Variants in CPNE8 observed in about 807,000 individuals in gnomAD.
The protein encoded by CPNE8 is copine-8.
Under a neutral mutation model 81.5 loss-of-function variants are expected in CPNE8, and 45 were observed. The observed-to-expected ratio is 0.55, with a 90% confidence interval of 0.44 to 0.71. The LOEUF (loss-of-function observed/expected upper bound fraction) is 0.71, where lower values mean the gene tolerates loss of function less well. Among genes scored for constraint, CPNE8 ranks in the 30% least tolerant of loss-of-function variants. The probability of loss-of-function intolerance (pLI) is 0.00; values close to 1 mark genes in which losing one functional copy is unlikely to be tolerated. For synonymous variants in CPNE8, 252 were observed against 226.3 expected (o/e 1.11, Z -1.02); for missense variants, 594 against 672.1 (o/e 0.88, Z 1.28).
intron 6 of CPNE8, among the ~76,000 whole-genome samples, chr12:38,808,555 A>T (rs1015008876): frequency 7.2e-6 from 1 of 138,220 alleles, no homozygotes; most frequent in African/African-American, 2.7e-5. Context: ...TTGAACAATG[A>T]GAACACATGG....
chr12:38,663,869 G>A lies in CPNE8; in HGVS notation c.1506+6860C>T, dbSNP rs143422853. The stretch of plus-strand genomic sequence containing the variant: ...CACTATGTTAACTGAAATAAGCCAG[G>A]CACAGAAAAATAAATACCACATGTT... On this transcript the variant is annotated intron_variant, in intron 19 of 19. Coordinates refer to ENST00000331366, the MANE Select transcript of CPNE8 (RefSeq NM_153634.3). Among the ~76,000 whole-genome samples the A allele has an allele frequency of 4.7e-3, 716 of 152,140 alleles. 5 individuals are homozygous for A. Among genetic ancestry groups the A allele is most frequent in the African/African-American group, 0.016 (665 of 41,534 alleles).
chr12:38,764,347 G>A (rs1449600336), intron 8 of CPNE8, among the ~76,000 whole-genome samples: 1 of 152,180 alleles, frequency 6.6e-6, no homozygotes, highest in African/African-American at 2.4e-5. Context: ...GCCGGGCGCA[G>A]TAGCTCACGC....
At chr12:38,818,274 C>T (rs1943059933) in intron 6 of CPNE8, among the ~76,000 whole-genome samples, 1 of 152,050 alleles carries the variant, frequency 6.6e-6, no homozygotes, top group African/African-American at 2.4e-5. Context: ...TCCTAATGCT[C>T]TCCCTCCCCT....
intron 1 of CPNE8, among the ~76,000 whole-genome samples, chr12:38,884,965 AAC>A (rs1944217891): frequency 6.6e-6 from 1 of 152,202 alleles, no homozygotes; most frequent in South Asian, 2.1e-4. Context: ...TCTACAGTCT[AAC>A]ACACACATCT....
intron 5 of CPNE8, among the ~76,000 whole-genome samples, chr12:38,833,608 A>G (rs571504830): frequency 6.6e-6 from 1 of 150,834 alleles, no homozygotes; most frequent in South Asian, 2.1e-4. Flanking sequence ...CCTCCCGAGT[A>G]GCTGGGACTA....
At chr12:38,821,351 T>C (rs1278847120) in intron 6 of CPNE8, among the ~76,000 whole-genome samples, 2 of 152,230 alleles carry the variant, frequency 1.3e-5, no homozygotes, top group Non-Finnish European at 2.9e-5. Context: ...TTGTTGAATA[T>C]ATTATTTTTA....
At chr12:38,783,032 C>CA (rs1435554423) in intron 6 of CPNE8, among the ~76,000 whole-genome samples, 1 of 151,902 alleles carries the variant, frequency 6.6e-6, no homozygotes, top group Non-Finnish European at 1.5e-5. Flanking sequence ...AGAAAGTTAC[C>CA]AAAAAAGATC....
chr12:38,859,924 A>C (rs1943804291), intron 3 of CPNE8, among the ~76,000 whole-genome samples: 1 of 152,192 alleles, frequency 6.6e-6, no homozygotes, highest in South Asian at 2.1e-4. Context: ...AATGAAGTAA[A>C]GACATACATG....
At chr12:38,715,922 T>A (rs1037134160) in intron 13 of CPNE8, among the ~76,000 whole-genome samples, 3 of 151,972 alleles carry the variant, frequency 2.0e-5, no homozygotes, top group African/African-American at 7.2e-5. Context: ...AGCTCCTAGA[T>A]CTGATAAACG....
intron 16 of CPNE8, among the ~76,000 whole-genome samples, chr12:38,682,265 A>C (rs980436460): frequency 1.3e-5 from 2 of 152,128 alleles, no homozygotes; most frequent in Non-Finnish European, 2.9e-5. Flanking sequence ...TTTGTTAATT[A>C]AAATGAACTC....
chr12:38,898,581 A>G (rs559385912), intron 1 of CPNE8, among the ~76,000 whole-genome samples: 11 of 152,120 alleles, frequency 7.2e-5, no homozygotes, highest in Non-Finnish European at 1.3e-4. Flanking sequence ...TCCCTAGCTT[A>G]TATAACTTAA....
At chr12:38,841,597 G>A (rs1943468636) in intron 4 of CPNE8, among the ~76,000 whole-genome samples, 1 of 152,142 alleles carries the variant, frequency 6.6e-6, no homozygotes, top group African/African-American at 2.4e-5. Context: ...AAACAAACAG[G>A]AGGTTCATAA....
intron 1 of CPNE8, among the ~76,000 whole-genome samples, chr12:38,896,885 C>T (rs1160798674): frequency 6.6e-6 from 1 of 152,124 alleles, no homozygotes; most frequent in Non-Finnish European, 1.5e-5. Flanking sequence ...TTCTATGTTG[C>T]TGTGTGCCAC....
chr12:38,694,748 T>A (rs1326486999), intron 14 of CPNE8, among the ~76,000 whole-genome samples: 2 of 152,192 alleles, frequency 1.3e-5, no homozygotes, highest in African/African-American at 2.4e-5. Flanking sequence ...TCCATTTGGT[T>A]CCTTAAATAA....
intron 10 of CPNE8, among the ~76,000 whole-genome samples, chr12:38,740,216 T>C (rs540028644): frequency 1.4e-4 from 21 of 152,318 alleles, no homozygotes; most frequent in African/African-American, 4.3e-4. Flanking sequence ...TATTGGTGTA[T>C]AAGAATGCTT....
intron 5 of CPNE8, among the ~76,000 whole-genome samples, chr12:38,832,304 C>T (rs1398640860): frequency 6.6e-6 from 1 of 152,156 alleles, no homozygotes; most frequent in Non-Finnish European, 1.5e-5. Context: ...CCACTGGACT[C>T]TACAGAAAAA....
At chr12:38,796,229 G>C (rs143044087) in intron 6 of CPNE8, among the ~76,000 whole-genome samples, 4 of 152,286 alleles carry the variant, frequency 2.6e-5, no homozygotes, top group East Asian at 1.9e-4. Flanking sequence ...AGGAGTTGCA[G>C]TGAGCCAAGA....
chr12:38,842,477 A>G (rs1184309805), intron 4 of CPNE8, among the ~76,000 whole-genome samples: 1 of 152,164 alleles, frequency 6.6e-6, no homozygotes, highest in Admixed American at 6.5e-5. Context: ...AAGCTTTTTA[A>G]ATACCATTAT....
chr12:38,750,844 G>A (rs780711512), intron 10 of CPNE8, among the ~76,000 whole-genome samples: 2 of 152,128 alleles, frequency 1.3e-5, no homozygotes, highest in Non-Finnish European at 2.9e-5. Flanking sequence ...GGCATGATTG[G>A]TTTTGAAATG....
Sources: gnomAD v4.1 joint callset for allele counts (sites outside exome capture counted in the v4.1 genomes callset) on GRCh38, gnomAD v4.1.1 for gene constraint, MANE v1.5 for transcripts, NCBI Gene and HGNC (gene_info 2026-07-23, HGNC 2026-07-21) for gene names.